The following TXLNB variants were observed in gnomAD, a reference collection of about 807,000 sequenced individuals.
TXLNB encodes taxilin beta.
A neutral mutation model predicts 57.4 loss-of-function variants in TXLNB; 37 were observed. That is an observed-to-expected ratio of 0.64 (90% CI 0.50 to 0.85). The LOEUF (loss-of-function observed/expected upper bound fraction) is 0.85, where lower values mean the gene tolerates loss of function less well. TXLNB is among the 40% of genes least tolerant of loss of function. The probability of loss-of-function intolerance (pLI) is 0.00; values close to 1 mark genes in which losing one functional copy is unlikely to be tolerated. For missense variants in TXLNB, 848 were observed against 825.6 expected (o/e 1.03, Z -0.33); for synonymous variants, 302 against 309.6 (o/e 0.98, Z 0.26).
chr6:139,318,875 A>G, the TXLNB span, among the ~76,000 whole-genome samples: 5,335 of 151,516 alleles, frequency 0.035, 313 homozygotes, highest in African/African-American at 0.12. Context: ...CACAAATGGT[A>G]GTTAGCCTTT....
the TXLNB span, among the ~76,000 whole-genome samples, chr6:139,303,406 A>G: frequency 1.3e-5 from 2 of 152,174 alleles, no homozygotes; most frequent in Non-Finnish European, 2.9e-5. Context: ...AAAACATTCC[A>G]TGATATATTA....
rs1304337446 is a variant in TXLNB at position 139,285,176 on chromosome 6, A to G, written c.424+3300T>C. Among the ~76,000 whole-genome samples the G allele has an allele frequency of 5.6e-5, 8 of 143,852 alleles. 1 individual carries two copies. Among genetic ancestry groups the G allele is most frequent in the African/African-American group, 2.1e-4 (8 of 38,928 alleles). The allele number at this position is 143,852 out of a possible 152,430, so 94.4% of individuals were successfully genotyped here. A position where few individuals can be genotyped will look rare whatever the true frequency, so the allele number is the denominator to read the frequency against. Reference sequence around the variant, plus strand: ...GGTAATTGTAAGGTTAATGCAGATTATGAAATAACTCATGGAAGAGAGTAG... The same window carrying G: ...GGTAATTGTAAGGTTAATGCAGATTGTGAAATAACTCATGGAAGAGAGTAG... On this transcript the variant is annotated intron_variant, in intron 2 of 9. Transcript: ENST00000358430.
chr6:139,222,485 C>A, the TXLNB span, among the ~76,000 whole-genome samples: 2 of 152,028 alleles, frequency 1.3e-5, no homozygotes, highest in African/African-American at 2.4e-5. Flanking sequence ...TAAGACAATA[C>A]CTGATAGAAC....
At chr6:139,275,037 T>C (rs1000397996) in intron 3 of TXLNB, among the ~76,000 whole-genome samples, 1 of 152,188 alleles carries the variant, frequency 6.6e-6, no homozygotes, top group Non-Finnish European at 1.5e-5. Flanking sequence ...CACTGATACT[T>C]GCTTTGTGAG....
At chr6:139,162,710 C>T in the TXLNB span, among the ~76,000 whole-genome samples, 6 of 152,160 alleles carry the variant, frequency 3.9e-5, no homozygotes, top group African/African-American at 1.4e-4. Context: ...TTTGTATAGG[C>T]TTTATGGGTC....
the TXLNB span, among the ~76,000 whole-genome samples, chr6:139,209,014 A>T: frequency 6.6e-6 from 1 of 152,226 alleles, no homozygotes; most frequent in African/African-American, 2.4e-5. Flanking sequence ...GTGTTTGCTG[A>T]TGACATGATC....
chr6:139,205,023 C>T, the TXLNB span, among the ~76,000 whole-genome samples: 1 of 152,190 alleles, frequency 6.6e-6, no homozygotes, highest in Admixed American at 6.5e-5. Flanking sequence ...TATTTCTCTA[C>T]CTGCCCTGAG....
the TXLNB span, among the ~76,000 whole-genome samples, chr6:139,226,617 T>C: frequency 2.6e-5 from 4 of 151,740 alleles, no homozygotes; most frequent in Non-Finnish European, 5.9e-5. Flanking sequence ...AGATAAACCA[T>C]AGGAAATGAG....
At chr6:139,237,292 G>A (rs1775846023), downstream of TXLNB, 1 of 152,088 alleles carries the variant, frequency 6.6e-6, no homozygotes, top group Admixed American at 6.6e-5. Flanking sequence ...AGGAGGTCAG[G>A]AGATCGAGAC....
the TXLNB span, among the ~76,000 whole-genome samples, chr6:139,190,249 C>CT: frequency 2.7e-5 from 4 of 150,460 alleles, no homozygotes; most frequent in East Asian, 5.8e-4. Flanking sequence ...GTTGGGGAGT[C>CT]TAAGATCAAG....
chr6:139,280,866 A>G (rs759204346), intron 2 of TXLNB, among the ~76,000 whole-genome samples: 3 of 152,176 alleles, frequency 2.0e-5, no homozygotes, highest in African/African-American at 4.8e-5. Flanking sequence ...CTAATAGGAT[A>G]TGATTTCTAA....
chr6:139,197,309 G>C, the TXLNB span, among the ~76,000 whole-genome samples: 2 of 152,098 alleles, frequency 1.3e-5, no homozygotes, highest in African/African-American at 4.8e-5. Context: ...TTATATTTAT[G>C]TATCATATTT....
chr6:139,204,718 A>T, the TXLNB span, among the ~76,000 whole-genome samples: 2 of 152,144 alleles, frequency 1.3e-5, no homozygotes. Context: ...AGCCTGGGGC[A>T]GGTCTGAGTT....
At chr6:139,239,513 G>A (rs1775875555), downstream of TXLNB, 1 of 152,362 alleles carries the variant, frequency 6.6e-6, no homozygotes, top group Non-Finnish European at 1.5e-5. This position sits in a 1 kb window ranked among gnomAD's most constrained non-coding sequence, Gnocchi z 4.7. Flanking sequence ...CTTTTTTTGA[G>A]ACAGGGTCTC....
At chr6:139,235,547 C>T (rs1321042060), downstream of TXLNB, among the ~76,000 whole-genome samples, 4 of 152,142 alleles carry the variant, frequency 2.6e-5, no homozygotes, top group Non-Finnish European at 2.9e-5. Flanking sequence ...TTGTAATCCC[C>T]ATAATCCCTA....
the TXLNB span, chr6:139,174,477 A>G: frequency 3.1e-6 from 5 of 1,613,564 alleles, no homozygotes; most frequent in Non-Finnish European, 4.2e-6. Context: ...GTGGGATGGC[A>G]GCTGGCACCA....
At chr6:139,204,370 T>A in the TXLNB span, among the ~76,000 whole-genome samples, 3 of 152,118 alleles carry the variant, frequency 2.0e-5, no homozygotes, top group Non-Finnish European at 4.4e-5. Flanking sequence ...GTCCTAATTG[T>A]TATATTCTTC....
intron 8 of TXLNB, among the ~76,000 whole-genome samples, 169 bp from the exon 9 acceptor site, chr6:139,244,859 A>G (rs138170499): frequency 2.0e-5 from 3 of 152,340 alleles, no homozygotes; most frequent in Non-Finnish European, 4.4e-5. Flanking sequence ...TTTATTTCTG[A>G]GCCGTCTAGG....
intron 7 of TXLNB, among the ~76,000 whole-genome samples, chr6:139,252,003 T>A (rs2114467988): frequency 1.3e-5 from 2 of 152,356 alleles, no homozygotes; most frequent in South Asian, 4.1e-4. Flanking sequence ...CCACATCTGC[T>A]ACTGTCTTCA....
Sources: gnomAD v4.1 joint callset for allele counts (sites outside exome capture counted in the v4.1 genomes callset) on GRCh38, gnomAD v4.1.1 for gene constraint, Gnocchi (gnomAD v3.1) non-coding constraint, MANE v1.5 for transcripts, NCBI Gene and HGNC (gene_info 2026-07-23, HGNC 2026-07-21) for gene names.